Variants in MCCC1 observed in about 807,000 individuals in gnomAD.
MCCC1 encodes methylcrotonyl-CoA carboxylase subunit 1, also known as methylcrotonoyl-CoA carboxylase subunit alpha, mitochondrial.
In MCCC1, 64 loss-of-function variants were observed where a neutral mutation model predicts 83.8. The observed-to-expected ratio is 0.76, with a 90% CI of 0.62 to 0.94. The LOEUF is 0.94. Among genes scored for constraint, MCCC1 ranks in the 40% least tolerant of loss-of-function variants. MCCC1 has a pLI of 0.00. For missense variants in MCCC1, 807 were observed against 904.7 expected (o/e 0.89, Z 1.39); for synonymous variants, 322 against 315.4 (o/e 1.02, Z -0.22).
intron 1 of MCCC1, among the ~76,000 whole-genome samples, chr3:183,107,534 T>G (rs970057901): frequency 2.3e-4 from 35 of 151,208 alleles, no homozygotes; most frequent in Admixed American, 1.1e-3. Flanking sequence ...ATTATTATTA[T>G]TTGTTGTTGT....
chr3:183,092,654 G>GT, intron 2 of MCCC1, 109 bp from the exon 3 acceptor site: 1 of 1,439,154 alleles, frequency 6.9e-7, no homozygotes. Context: ...TAAGTTCAAG[G>GT]TTTTTGGTAA....
chr3:183,027,045 C>T (rs1474292823), intron 14 of MCCC1, among the ~76,000 whole-genome samples: 3 of 152,216 alleles, frequency 2.0e-5, no homozygotes, highest in Non-Finnish European at 2.9e-5. Context: ...GTCTCTATGT[C>T]ACATTTTTGT....
At chr3:183,074,810 C>T (rs936414783) in intron 4 of MCCC1, among the ~76,000 whole-genome samples, 4 of 152,164 alleles carry the variant, frequency 2.6e-5, no homozygotes, top group African/African-American at 7.2e-5. Context: ...GTACAGAGTT[C>T]GTCACCCAGG....
At chr3:183,029,028 A>G (rs1388646129) in intron 14 of MCCC1, 4 of 152,226 alleles carry the variant, frequency 2.6e-5, no homozygotes, top group Non-Finnish European at 5.9e-5. Flanking sequence ...TGTTATTGGC[A>G]CACAATAAAG....
intron 14 of MCCC1, among the ~76,000 whole-genome samples, chr3:183,030,588 T>C (rs1052143948): frequency 4.6e-5 from 7 of 152,194 alleles, no homozygotes; most frequent in Non-Finnish European, 1.0e-4. Flanking sequence ...AGAGTGATTT[T>C]CCTCTCTATC....
At chr3:183,111,245 C>T (rs1029619479) in intron 1 of MCCC1, among the ~76,000 whole-genome samples, 29 of 152,156 alleles carry the variant, frequency 1.9e-4, no homozygotes, top group African/African-American at 6.5e-4. Flanking sequence ...ACGCAGCACC[C>T]TGTATTTGTT....
At chr3:183,045,929 T>C (rs937288130) in intron 9 of MCCC1, among the ~76,000 whole-genome samples, 2 of 152,160 alleles carry the variant, frequency 1.3e-5, no homozygotes, top group African/African-American at 2.4e-5. Context: ...TTTTCCCTGA[T>C]TGTGGGCTCC....
chr3:183,017,510 C>T, intron 17 of MCCC1, 173 bp from the exon 18 acceptor site: 1 of 635,234 alleles, frequency 1.6e-6, no homozygotes, highest in Non-Finnish European at 2.7e-6. Context: ...ACACAGAGGT[C>T]CTTTGTGGTC....
intron 4 of MCCC1, among the ~76,000 whole-genome samples, chr3:183,075,572 G>T (rs1187924990): frequency 8.1e-5 from 11 of 136,170 alleles, no homozygotes; most frequent in African/African-American, 8.2e-5. Context: ...ACAGAGTCTT[G>T]CTCTGTCACC....
chr3:183,074,672 T>A (rs1716934458), intron 4 of MCCC1, among the ~76,000 whole-genome samples: 1 of 152,220 alleles, frequency 6.6e-6, no homozygotes, highest in Non-Finnish European at 1.5e-5. Context: ...TGGATACTCA[T>A]ATGTTGCAGC....
chr3:183,039,209 G>T, intron 11 of MCCC1, 74 bp from the exon 12 acceptor site: 1 of 1,365,212 alleles, frequency 7.3e-7, no homozygotes, highest in Non-Finnish European at 1.0e-6. Flanking sequence ...AAGACATTTT[G>T]TTATGTACAT....
intron 4 of MCCC1, among the ~76,000 whole-genome samples, chr3:183,073,834 G>A (rs905903317): frequency 1.3e-5 from 2 of 152,164 alleles, no homozygotes; most frequent in Non-Finnish European, 2.9e-5. Context: ...TAAGTGAATT[G>A]CCACCATCAT....
chr3:183,071,475 G>C (rs1716684383), intron 5 of MCCC1, 118 bp from the exon 6 acceptor site: 2 of 1,416,568 alleles, frequency 1.4e-6, no homozygotes, highest in Admixed American at 1.8e-5. Flanking sequence ...AAAACATCGA[G>C]TCTGAGACGA....
intron 13 of MCCC1, 98 bp from the exon 14 acceptor site, chr3:183,034,175 G>T: frequency 1.2e-6 from 1 of 861,136 alleles, no homozygotes; most frequent in Non-Finnish European, 1.9e-6. Context: ...TGCTGGCCGG[G>T]CACAGTGGCT....
chr3:183,111,986 A>G (rs887942279), intron 1 of MCCC1, among the ~76,000 whole-genome samples: 1 of 152,138 alleles, frequency 6.6e-6, no homozygotes, highest in Non-Finnish European at 1.5e-5. Context: ...GCTTTCCTAA[A>G]TTTAAAAAAA....
chr3:183,061,575 C>T (rs941565443), intron 7 of MCCC1, among the ~76,000 whole-genome samples: 3 of 152,212 alleles, frequency 2.0e-5, no homozygotes, highest in Non-Finnish European at 4.4e-5. Flanking sequence ...CTGGCCCACA[C>T]TTAGCCTCAG....
At chr3:183,110,686 A>G (rs914089009) in intron 1 of MCCC1, among the ~76,000 whole-genome samples, 2 of 149,462 alleles carry the variant, frequency 1.3e-5, no homozygotes, top group African/African-American at 4.9e-5. Flanking sequence ...AAGCCACCGC[A>G]CCCGGCCTAG....
chr3:183,111,419 C>T (rs1223892103), intron 1 of MCCC1, among the ~76,000 whole-genome samples: 3 of 152,174 alleles, frequency 2.0e-5, no homozygotes, highest in Admixed American at 1.3e-4. Flanking sequence ...CCTGCCTCAG[C>T]CTCCCGAGTA....
chr3:183,033,411 A>G (rs990027630), intron 14 of MCCC1, among the ~76,000 whole-genome samples: 13 of 152,138 alleles, frequency 8.5e-5, no homozygotes, highest in Non-Finnish European at 1.9e-4. Context: ...CTTACCATCC[A>G]TGCTTTCATC....
Sources: gnomAD v4.1 joint callset for allele counts (sites outside exome capture counted in the v4.1 genomes callset) on GRCh38, gnomAD v4.1.1 for gene constraint, MANE v1.5 for transcripts, NCBI Gene and HGNC (gene_info 2026-07-23, HGNC 2026-07-21) for gene names.